Variants in GABRG3 observed in about 807,000 individuals in gnomAD.
GABRG3 encodes gamma-aminobutyric acid receptor subunit gamma-3.
A neutral mutation model predicts 48.8 loss-of-function variants in GABRG3; 25 were observed. That is an observed-to-expected ratio of 0.51 (90% CI 0.37 to 0.72). The LOEUF (loss-of-function observed/expected upper bound fraction) is 0.72, where lower values mean the gene tolerates loss of function less well. Among genes scored for constraint, GABRG3 ranks in the 30% least tolerant of loss-of-function variants. The pLI is 0.00. For missense variants in GABRG3, 394 were observed against 577.9 expected, an observed-to-expected ratio of 0.68 and a Z score of 3.26; for synonymous variants, 227 against 217.6, an observed-to-expected ratio of 1.04 and a Z score of -0.38.
chr15:27,394,585 A>G (rs1887243173), intron 5 of GABRG3, among the ~76,000 whole-genome samples: 1 of 152,012 alleles, frequency 6.6e-6, no homozygotes, highest in Non-Finnish European at 1.5e-5. Context: ...CTGTCTATCC[A>G]TTTGTTTTTT....
At chr15:27,301,094 CAG>C (rs1322762493) in intron 3 of GABRG3, among the ~76,000 whole-genome samples, 1 of 151,998 alleles carries the variant, frequency 6.6e-6, no homozygotes, top group African/African-American at 2.4e-5. Flanking sequence ...AAAGTGACAA[CAG>C]AGAGAAAAAT....
At position 27,527,914 on chromosome 15, in the gene GABRG3, T is replaced by A; in HGVS notation, c.1063-19T>A. 2 of 1,546,454 alleles carry A rather than the reference T, an allele frequency of 1.3e-6. No individual in the cohort carries two copies. Among genetic ancestry groups the A allele is most frequent in the Non-Finnish European group, 1.8e-6 (2 of 1,137,326 alleles). ...TGTTCATGACAGTTTCCTAGTTATT[T>A]TTTCTTCTTTTCTTGTAGTTACTAC... is the stretch of plus-strand genomic sequence containing the variant. On this transcript the variant is annotated intron_variant, in intron 8 of 9. Coordinates refer to ENST00000615808, the MANE Select transcript of GABRG3 (RefSeq NM_033223.5).
chr15:27,230,260 T>TC (rs1889756069), intron 3 of GABRG3, among the ~76,000 whole-genome samples: 1 of 152,220 alleles, frequency 6.6e-6, no homozygotes, highest in African/African-American at 2.4e-5. Context: ...GTAGAATGAT[T>TC]CTGAGATGCA....
At chr15:27,009,728 G>A (rs1895650687) in intron 2 of GABRG3, among the ~76,000 whole-genome samples, 1 of 152,164 alleles carries the variant, frequency 6.6e-6, no homozygotes, top group Non-Finnish European at 1.5e-5. Context: ...AGGGCAGCCA[G>A]GAAGGTCTGG....
At chr15:27,214,701 T>TTTTC (rs1277102101) in intron 3 of GABRG3, among the ~76,000 whole-genome samples, 1 of 152,046 alleles carries the variant, frequency 6.6e-6, no homozygotes, top group African/African-American at 2.4e-5. Context: ...CACATTTTTT[T>TTTTC]TTTTTTTTGG....
intron 3 of GABRG3, among the ~76,000 whole-genome samples, chr15:27,288,961 T>C (rs1427955929): frequency 6.6e-6 from 1 of 152,186 alleles, no homozygotes; most frequent in East Asian, 1.9e-4. Flanking sequence ...GAATTCTTGG[T>C]TAAGAGTTTT....
chr15:27,294,292 C>T lies in GABRG3; in HGVS notation c.271-32517C>T, dbSNP rs112373048. Among the ~76,000 whole-genome samples the T allele has an allele frequency of 3.3e-5, 5 of 149,534 alleles. 1 individual carries two copies. Among genetic ancestry groups the T allele is most frequent in the African/African-American group, 9.9e-5 (4 of 40,280 alleles). On this transcript the variant is annotated intron_variant, in intron 3 of 9. Transcript: ENST00000615808. The stretch of plus-strand genomic sequence containing the variant: ...AGTAAAGTGGCTCCATCATGGCTCA[C>T]TGCAGCCTCTGCCTCCTGGGCTCAA...
At chr15:26,982,345 GA>G (rs1251692519) in intron 2 of GABRG3, among the ~76,000 whole-genome samples, 1 of 152,168 alleles carries the variant, frequency 6.6e-6, no homozygotes, top group Non-Finnish European at 1.5e-5. Context: ...AGGCTACAGT[GA>G]AGCACCTTCC....
At chr15:27,138,724 C>A (rs1307101694) in intron 3 of GABRG3, among the ~76,000 whole-genome samples, 1 of 152,148 alleles carries the variant, frequency 6.6e-6, no homozygotes, top group Non-Finnish European at 1.5e-5. Context: ...AAATTATTAT[C>A]CCTCAGGATT....
intron 5 of GABRG3, among the ~76,000 whole-genome samples, chr15:27,458,711 G>A (rs1889361251): frequency 6.6e-6 from 1 of 152,030 alleles, no homozygotes; most frequent in South Asian, 2.1e-4. Flanking sequence ...ATAACCAAAA[G>A]GAGAAAAATC....
rs1315280871 is a variant in GABRG3, at chr15:27,457,296, G to C, written c.575-23354G>C. ...ATTTCCTTTCTACTTGCATCTCACA[G>C]GAAGGAGGCTTGGAAGATATTTGGA... is the stretch of plus-strand genomic sequence containing the variant. On this transcript the variant is annotated intron_variant, in intron 5 of 9. Coordinates refer to ENST00000615808, the MANE Select transcript of GABRG3 (RefSeq NM_033223.5). This position sits in a 1 kb window ranked among gnomAD's most constrained non-coding sequence, Gnocchi z 4.4. Among the ~76,000 whole-genome samples the C allele has an allele frequency of 6.6e-6, 1 of 152,176 alleles. No individual in the cohort carries two copies. The highest frequency in any genetic ancestry group is 1.5e-5 in the Non-Finnish European group (1 of 68,032).
At chr15:27,004,376 T>G (rs927370171) in intron 2 of GABRG3, among the ~76,000 whole-genome samples, 88 of 150,050 alleles carry the variant, frequency 5.9e-4, no homozygotes, top group African/African-American at 2.0e-3. Context: ...CGCTCCTCAC[T>G]TCCTGGATGT....
chr15:27,156,346 T>C (rs958293997), intron 3 of GABRG3, among the ~76,000 whole-genome samples: 2 of 151,654 alleles, frequency 1.3e-5, no homozygotes, highest in African/African-American at 2.4e-5. Flanking sequence ...TATTCTGTCT[T>C]GTTAGGATGC....
Position 27,537,124 on chromosome 15 carries a change from TAAAAAAAAA to T in GABRG3, c.*4256_*4264del, listed in dbSNP as rs368101374. On this transcript the variant is annotated 3_prime_UTR_variant, in exon 10 of 10. Coordinates refer to ENST00000615808, the MANE Select transcript of GABRG3 (RefSeq NM_033223.5). ...TAAGAAATTTCATCTGCAATTTCTG[TAAAAAAAAA>T]AAAAAAAAAAAAGAATGGCTTAAGC... 1.7e-5 allele frequency: 2 copies of T among 115,786 alleles called. No individual in the cohort carries two copies. The highest frequency in any genetic ancestry group is 5.8e-5 in the African/African-American group (2 of 34,318). 7.2% of individuals were successfully genotyped at this position (115,786 alleles called of 1,614,324 possible).
chr15:27,289,135 A>G (rs993111607), intron 3 of GABRG3, among the ~76,000 whole-genome samples: 7 of 152,158 alleles, frequency 4.6e-5, no homozygotes, highest in Admixed American at 3.9e-4. Context: ...TGATATACCT[A>G]GACAAGATCT....
chr15:27,109,405 A>T (rs913966295), intron 3 of GABRG3, among the ~76,000 whole-genome samples: 1 of 152,176 alleles, frequency 6.6e-6, no homozygotes, highest in Admixed American at 6.5e-5. Flanking sequence ...GCTTTGCTGA[A>T]TGTGTAACGC....
chr15:27,147,170 A>C (rs565855397), intron 3 of GABRG3, among the ~76,000 whole-genome samples: 43 of 152,168 alleles, frequency 2.8e-4, no homozygotes, highest in African/African-American at 9.4e-4. Context: ...CTTTAACACT[A>C]TAGGAGGCAA....
chr15:27,182,000 TATA>T (rs1165276555), intron 3 of GABRG3, among the ~76,000 whole-genome samples: 3 of 149,264 alleles, frequency 2.0e-5, no homozygotes, highest in Non-Finnish European at 3.0e-5. Context: ...ATAATAATAT[TATA>T]ATAATATAAT....
At chr15:27,502,291 T>G (rs1371909094) in intron 6 of GABRG3, among the ~76,000 whole-genome samples, 1 of 152,258 alleles carries the variant, frequency 6.6e-6, no homozygotes, top group African/African-American at 2.4e-5. Context: ...GGCTGTTTAA[T>G]GATTTTATTT....
Sources: allele counts gnomAD v4.1 joint callset (sites outside exome capture counted in the v4.1 genomes callset), GRCh38; gene constraint gnomAD v4.1.1; non-coding constraint Gnocchi (gnomAD v3.1); transcripts MANE v1.5; gene names NCBI Gene and HGNC (gene_info 2026-07-23, HGNC 2026-07-21).